The following LRRC20 variants were observed in gnomAD, a reference collection of about 807,000 sequenced individuals.
The protein encoded by LRRC20 is leucine rich repeat containing 20, also known as leucine-rich repeat-containing protein 20.
In LRRC20, 11 loss-of-function variants were observed where a neutral mutation model predicts 14.4. The ratio of observed to expected loss-of-function variants is 0.77; its 90% CI spans 0.48 to 1.27. The LOEUF (loss-of-function observed/expected upper bound fraction) is 1.27, where lower values mean the gene tolerates loss of function less well. Ranked by LOEUF, LRRC20 falls within the 50% of genes most tolerant of loss-of-function variation. The pLI is 0.00. For synonymous variants in LRRC20, 121 were observed against 107.3 expected (o/e 1.13, Z -0.79); for missense variants, 219 against 251.2 (o/e 0.87, Z 0.87).
chr10:70,356,138 T>G (rs1175726716), intron 2 of LRRC20, among the ~76,000 whole-genome samples: 1 of 152,242 alleles, frequency 6.6e-6, no homozygotes, highest in Non-Finnish European at 1.5e-5. Context: ...AACTCTTTCT[T>G]GCTGTGGGAC....
In LRRC20 at chr10:70,374,454, G is replaced by A. The variant is rs368743741; in HGVS notation, c.82+1998C>T. The stretch of plus-strand genomic sequence containing the variant: ...CAACCTCCATCTCCTGGGTTCAGGC[G>A]ATTCTCCTGCCTCAGCCTCCCAAGT... On this transcript the variant is annotated intron_variant, in intron 2 of 4. Coordinates refer to ENST00000446961, the MANE Select transcript of LRRC20 (RefSeq NM_001278212.2). 7.3e-5 allele frequency among the ~76,000 whole-genome samples: 11 copies of A among 151,592 alleles called. No individual in the cohort carries two copies. In the East Asian group the frequency reaches 9.7e-4, roughly 13 times the overall value.
rs562289381 is a variant in LRRC20, at chr10:70,301,935, C to CAT, written c.401-429_401-428dup. ...ATACTATGTTGTCCATATATATGTC[C>CAT]ATATATATATGATATATGGAATACT... On this transcript the variant is annotated intron_variant, in intron 4 of 4. Coordinates refer to ENST00000446961, the MANE Select transcript of LRRC20 (RefSeq NM_001278212.2). 1.2e-4 allele frequency among the ~76,000 whole-genome samples: 18 copies of CAT among 152,108 alleles called. No individual in the cohort carries two copies. In the East Asian group the frequency reaches 3.3e-3, roughly 28 times the overall value.
At chr10:70,329,872 T>C (rs1589073963) in intron 3 of LRRC20, among the ~76,000 whole-genome samples, 1 of 152,306 alleles carries the variant, frequency 6.6e-6, no homozygotes, top group Non-Finnish European at 1.5e-5. Flanking sequence ...GCCTAGCCTT[T>C]TCATATAATA....
intron 4 of LRRC20, among the ~76,000 whole-genome samples, chr10:70,311,288 G>A (rs901712914): frequency 2.0e-5 from 3 of 146,762 alleles, no homozygotes; most frequent in Non-Finnish European, 4.4e-5. Context: ...GGGTGCAATG[G>A]CGCGATCTCA....
At chr10:70,331,695 C>T (rs1345037674) in intron 3 of LRRC20, among the ~76,000 whole-genome samples, 1 of 152,188 alleles carries the variant, frequency 6.6e-6, no homozygotes, top group Non-Finnish European at 1.5e-5. Context: ...CAGAGTGGAA[C>T]AACCAGGGCT....
chr10:70,317,299 G>GGCTTCTGCTTCT (rs78933023), intron 4 of LRRC20, among the ~76,000 whole-genome samples: 2 of 151,842 alleles, frequency 1.3e-5, no homozygotes, highest in Non-Finnish European at 2.9e-5. Flanking sequence ...AGGGAGCCCT[G>GGCTTCTGCTTCT]GCTTCTGCTT....
At position 70,334,415 on chromosome 10, in the gene LRRC20, G is replaced by A. The variant is rs117850929; in HGVS notation, c.232+6138C>T. Among the ~76,000 whole-genome samples, 17 of 152,238 alleles carry A rather than the reference G, an allele frequency of 1.1e-4. No homozygotes were observed. The East Asian group carries it at 2.3e-3, about 21-fold the overall frequency. On this transcript the variant is annotated intron_variant, in intron 3 of 4. Transcript: ENST00000446961. ...CCCAACACCCCAACAGCCTTTCTGA[G>A]GACGGTTCCCTTGCTCCCCGGGTTT... is the stretch of plus-strand genomic sequence containing the variant.
At chr10:70,324,450 C>T (rs1842239859) in intron 3 of LRRC20, among the ~76,000 whole-genome samples, 1 of 152,234 alleles carries the variant, frequency 6.6e-6, no homozygotes, top group African/African-American at 2.4e-5. Context: ...CTCCATGGCC[C>T]TCCCTGCTCA....
In LRRC20 at chr10:70,323,948, G is replaced by A; in HGVS notation, c.315C>T (p.Ser105=). Residue 105 remains serine, a synonymous_variant, in exon 4 of 5, where the codon TCC becomes TCT. Coordinates refer to ENST00000446961, the MANE Select transcript of LRRC20 (RefSeq NM_001278212.2). ...CAGGGAAGTCCTGGAACTGGTTCCG[G>A]GACAGGTCAATGGCCTTGAGGTGCT... ...ALQHLKAIDL[S]RNQFQDFPEQ... is the part of the protein sequence containing the mutation. 6.2e-7 allele frequency: 1 copy of A among 1,614,216 alleles called. No homozygotes were observed. The highest frequency in any genetic ancestry group is 8.5e-7 in the Non-Finnish European group (1 of 1,180,038).
intron 1 of LRRC20, among the ~76,000 whole-genome samples, chr10:70,379,677 C>T (rs1844636398): frequency 6.6e-6 from 1 of 152,176 alleles, no homozygotes; most frequent in Non-Finnish European, 1.5e-5. Flanking sequence ...AGGGAAGCCA[C>T]CAAGCTGCCC....
chr10:70,376,359 C>T lies in LRRC20; in HGVS notation c.82+93G>A, dbSNP rs1215872799. 2.1e-5 allele frequency: 27 copies of T among 1,271,170 alleles called. No homozygotes were observed. The East Asian group carries it at 5.1e-4, about 24-fold the overall frequency. The allele number at this position is 1,271,170 out of a possible 1,614,324, so 78.7% of individuals were successfully genotyped here. ...CACTTATTCTCAGGATGAGGTTGCACACTGACGCTTGTGTCTTTCATCTCT... is the reference window on the plus strand; with the variant it reads ...CACTTATTCTCAGGATGAGGTTGCATACTGACGCTTGTGTCTTTCATCTCT... On this transcript the variant is annotated intron_variant, in intron 2 of 4. Transcript: ENST00000446961.
intron 3 of LRRC20, among the ~76,000 whole-genome samples, chr10:70,339,588 A>G (rs1842836729): frequency 6.6e-6 from 1 of 152,128 alleles, no homozygotes; most frequent in Non-Finnish European, 1.5e-5. Flanking sequence ...TCACAAACGT[A>G]CAACAGGCGC....
intron 2 of LRRC20, among the ~76,000 whole-genome samples, chr10:70,367,328 C>CAAAA (rs71472959): frequency 0.27 from 31,935 of 116,684 alleles, 5,331 homozygotes; most frequent in Non-Finnish European, 0.33. Context: ...GACCCGGTCT[C>CAAAA]AAAAAAAAAA....
intron 4 of LRRC20, among the ~76,000 whole-genome samples, chr10:70,304,783 T>C (rs910021887): frequency 3.3e-5 from 5 of 152,078 alleles, no homozygotes; most frequent in African/African-American, 4.8e-5. Flanking sequence ...AGTGGACTCA[T>C]ATAGTATTTG....
At chr10:70,321,858 A>C (rs1842088783) in intron 4 of LRRC20, among the ~76,000 whole-genome samples, 1 of 136,194 alleles carries the variant, frequency 7.3e-6, no homozygotes, top group Admixed American at 7.5e-5. Flanking sequence ...TGGATGTGGG[A>C]CTGCACATGA....
intron 4 of LRRC20, among the ~76,000 whole-genome samples, chr10:70,315,084 T>A (rs1841806366): frequency 6.6e-6 from 1 of 152,172 alleles, no homozygotes; most frequent in Non-Finnish European, 1.5e-5. Flanking sequence ...CTGAGGAGAA[T>A]AACAGTATCT....
At chr10:70,313,094 G>A (rs1235099544) in intron 4 of LRRC20, among the ~76,000 whole-genome samples, 1 of 152,180 alleles carries the variant, frequency 6.6e-6, no homozygotes, top group East Asian at 1.9e-4. Context: ...TGCAATCAAA[G>A]CCAGATCATA....
intron 2 of LRRC20, among the ~76,000 whole-genome samples, chr10:70,352,302 G>C (rs1843343454): frequency 1.3e-5 from 2 of 152,082 alleles, no homozygotes; most frequent in African/African-American, 2.4e-5. Context: ...CTTGGTGTTT[G>C]TATGAAATTC....
At chr10:70,308,773 T>C (rs1388316600) in intron 4 of LRRC20, among the ~76,000 whole-genome samples, 2 of 151,936 alleles carry the variant, frequency 1.3e-5, no homozygotes, top group Admixed American at 6.6e-5. Flanking sequence ...GAAGGCAGGG[T>C]TATAAGCAGA....
Sources: gnomAD v4.1 joint callset for allele counts (sites outside exome capture counted in the v4.1 genomes callset) on GRCh38, gnomAD v4.1.1 for gene constraint, MANE v1.5 for transcripts, NCBI Gene and HGNC (gene_info 2026-07-23, HGNC 2026-07-21) for gene names.